JAK1: variants seen among roughly 807,000 people sequenced by gnomAD.
JAK1 encodes Janus kinase 1.
A neutral mutation model predicts 136.6 loss-of-function variants in JAK1; 16 were observed. The observed-to-expected ratio is 0.12, with a 90% CI of 0.08 to 0.18. The LOEUF (loss-of-function observed/expected upper bound fraction) is 0.18. Among genes scored for constraint, JAK1 ranks in the 10% least tolerant of loss-of-function variants. The pLI is 1.00. For missense variants in JAK1, 859 were observed against 1,450.1 expected (o/e 0.59, Z 6.62); for synonymous variants, 492 against 519.5 (o/e 0.95, Z 0.72).
chr1:65,033,895 T>C (rs1257692406), intron 2 of JAK1, among the ~76,000 whole-genome samples: 2 of 152,230 alleles, frequency 1.3e-5, no homozygotes, highest in African/African-American at 2.4e-5. Flanking sequence ...TAAACTTCTG[T>C]TTCCCTTTTC....
rs13313014 is a variant in JAK1, at chr1:64,914,313, T to C, written c.-77-27972A>G. Among the ~76,000 whole-genome samples, 699 of 152,286 alleles carry C rather than the reference T, an allele frequency of 4.6e-3. 3 individuals carry two copies. Among genetic ancestry groups the C allele is most frequent in the African/African-American group, 0.016 (661 of 41,544 alleles). On this transcript the variant is annotated intron_variant, in intron 1 of 24. Coordinates refer to ENST00000342505, the MANE Select transcript of JAK1 (RefSeq NM_002227.4). ...TGAGGTTAAATGAAGAGGGAACAAT[T>C]TTAATATAAGAGAATGACCATAGAT...
At chr1:64,991,740 G>A (rs989845154) in intron 2 of JAK1, 2 of 152,156 alleles carry the variant, frequency 1.3e-5, no homozygotes, top group Non-Finnish European at 2.9e-5. Flanking sequence ...CAACAAAGTT[G>A]CAGGTTATAA....
At chr1:65,058,296 C>G in intron 1 of JAK1, 1 of 439,888 alleles carries the variant, frequency 2.3e-6, no homozygotes, top group Non-Finnish European at 4.6e-6. Flanking sequence ...CAGAATAACT[C>G]TCCCTATGCC....
intron 1 of JAK1, among the ~76,000 whole-genome samples, chr1:64,902,813 T>C (rs1355971126): frequency 6.6e-6 from 1 of 152,054 alleles, no homozygotes; most frequent in Non-Finnish European, 1.5e-5. Context: ...TCTTCAACAG[T>C]AATTTTTAGC....
At chr1:64,875,412 A>G (rs924890170) in intron 4 of JAK1, among the ~76,000 whole-genome samples, 2 of 152,242 alleles carry the variant, frequency 1.3e-5, no homozygotes, top group Non-Finnish European at 2.9e-5. Context: ...GCATCATTCG[A>G]GCAATGCCGT....
At chr1:64,982,139 T>C (rs1006266330) in intron 2 of JAK1, among the ~76,000 whole-genome samples, 6 of 151,026 alleles carry the variant, frequency 4.0e-5, no homozygotes, top group Non-Finnish European at 8.9e-5. Context: ...CACACACACA[T>C]ACAACCAGGG....
At chr1:64,982,283 G>A (rs968913707) in intron 2 of JAK1, among the ~76,000 whole-genome samples, 1 of 152,112 alleles carries the variant, frequency 6.6e-6, no homozygotes, top group Non-Finnish European at 1.5e-5. Flanking sequence ...AGATGAGTTG[G>A]GCAGGTGTCT....
At chr1:64,930,383 C>T (rs529645970) in intron 1 of JAK1, among the ~76,000 whole-genome samples, 2 of 152,036 alleles carry the variant, frequency 1.3e-5, no homozygotes, top group African/African-American at 4.8e-5. Context: ...ATGTGGCCAA[C>T]AAACATAGGG....
intron 1 of JAK1, among the ~76,000 whole-genome samples, chr1:64,893,184 G>C (rs949892230): frequency 6.6e-6 from 1 of 151,972 alleles, no homozygotes; most frequent in African/African-American, 2.4e-5. Context: ...AAAATCACAA[G>C]CACAATTGTG....
intron 1 of JAK1, among the ~76,000 whole-genome samples, chr1:64,945,173 C>A (rs1229341866): frequency 6.6e-6 from 1 of 152,034 alleles, no homozygotes; most frequent in Admixed American, 6.6e-5. Context: ...CCAGTTCTCT[C>A]CATGTTAACA....
At chr1:64,863,845 C>T (rs553969541) in intron 8 of JAK1, among the ~76,000 whole-genome samples, 3 of 152,292 alleles carry the variant, frequency 2.0e-5, no homozygotes, top group Non-Finnish European at 4.4e-5. Flanking sequence ...AATTTTGACA[C>T]TTTAATTACT....
At chr1:64,994,353 T>G (rs1306395178) in intron 2 of JAK1, among the ~76,000 whole-genome samples, 1 of 152,236 alleles carries the variant, frequency 6.6e-6, no homozygotes, top group African/African-American at 2.4e-5. Context: ...CAGCCACACA[T>G]GTAATGAGCC....
intron 2 of JAK1, among the ~76,000 whole-genome samples, chr1:65,010,983 G>T (rs888177756): frequency 1.3e-5 from 2 of 152,128 alleles, no homozygotes; most frequent in African/African-American, 4.8e-5. Flanking sequence ...GACAGATCCT[G>T]TCTCTAAAAT....
At position 65,034,346 on chromosome 1, in the gene JAK1, T is replaced by C. The variant is rs375557320; in HGVS notation, c.-78+10134A>G. On this transcript the variant is annotated intron_variant, in intron 2 of 25. Transcript: ENST00000671954. Reference sequence around the variant, plus strand: ...GGAAGAGCAAGGAGAATTCATAAATTTTGTACAAAAGGAAGGATCAGGACA... The same window carrying C: ...GGAAGAGCAAGGAGAATTCATAAATCTTGTACAAAAGGAAGGATCAGGACA... Among the ~76,000 whole-genome samples, 12 of 152,296 alleles carry C rather than the reference T, an allele frequency of 7.9e-5. No individual in the cohort carries two copies. The East Asian group carries it at 9.6e-4, about 12-fold the overall frequency.
At chr1:64,846,781 G>A (rs753732604) in intron 13 of JAK1, 45 bp from the exon 14 acceptor site, 26 of 1,505,250 alleles carry the variant, frequency 1.7e-5, no homozygotes, top group Non-Finnish European at 2.3e-5. Context: ...CAGCCTCCAG[G>A]GGGCTGCTCC....
At chr1:64,993,857 G>A (rs1381653225) in intron 2 of JAK1, among the ~76,000 whole-genome samples, 1 of 152,168 alleles carries the variant, frequency 6.6e-6, no homozygotes, top group African/African-American at 2.4e-5. Flanking sequence ...ATGTTGGCCA[G>A]GCTGGTCTTG....
intron 4 of JAK1, among the ~76,000 whole-genome samples, chr1:64,873,921 A>G (rs979092943): frequency 2.0e-5 from 3 of 152,162 alleles, no homozygotes; most frequent in Non-Finnish European, 2.9e-5. Flanking sequence ...ACATTTTAAC[A>G]TTCCTGCAAC....
At chr1:64,915,299 A>G (rs1645375214) in intron 1 of JAK1, among the ~76,000 whole-genome samples, 1 of 152,352 alleles carries the variant, frequency 6.6e-6, no homozygotes, top group South Asian at 2.1e-4. Flanking sequence ...GAAGAGGAGA[A>G]AACTACAACT....
chr1:65,064,384 A>AC (rs1647952416), intron 1 of JAK1, among the ~76,000 whole-genome samples: 3 of 152,186 alleles, frequency 2.0e-5, no homozygotes, highest in Non-Finnish European at 2.9e-5. Context: ...AAAAGATGTT[A>AC]CCCCATCAAC....
Sources: allele counts gnomAD v4.1 joint callset (sites outside exome capture counted in the v4.1 genomes callset), GRCh38; gene constraint gnomAD v4.1.1; transcripts MANE v1.5; gene names NCBI Gene and HGNC (gene_info 2026-07-23, HGNC 2026-07-21).